Variants in CXXC5 observed in about 807,000 individuals in gnomAD.
CXXC5 encodes the protein CXXC-type zinc finger protein 5.
A neutral mutation model predicts 17.6 loss-of-function variants in CXXC5; 2 were observed. That is an observed-to-expected ratio of 0.11 (90% confidence interval 0.05 to 0.36). The LOEUF (loss-of-function observed/expected upper bound fraction) is 0.36. Ranked by LOEUF, CXXC5 falls within the 10% of genes least tolerant of loss-of-function variation. The probability of loss-of-function intolerance (pLI) is 1.00; values close to 1 mark genes in which losing one functional copy is unlikely to be tolerated. For synonymous variants in CXXC5, 171 were observed against 193.0 expected (o/e 0.89, Z 0.94); for missense variants, 343 against 458.3 (o/e 0.75, Z 2.30).
rs977025776 is a variant in CXXC5, at chr5:139,658,490, T to G, written c.-161+9645T>G. 1.9e-4 allele frequency among the ~76,000 whole-genome samples: 29 copies of G among 152,116 alleles called. No homozygotes were observed. The highest frequency in any genetic ancestry group is 7.0e-4 in the African/African-American group (29 of 41,506). On this transcript the variant is annotated intron_variant, in intron 1 of 2. Transcript: ENST00000302517. This position sits in a 1 kb window ranked among gnomAD's most constrained non-coding sequence, Gnocchi z 4.1. ...ATACCTGGGACAGAAATACCTGTTC[T>G]GCCCCTAGCCAGCCCCTCTCTGGAG...
rs538647881 is a variant in CXXC5 at position 139,653,378 on chromosome 5, C to T, written c.-161+4533C>T. Among the ~76,000 whole-genome samples, 6 of 152,320 alleles carry T rather than the reference C, an allele frequency of 3.9e-5. No homozygotes were observed. The South Asian group carries it at 1.2e-3, about 32-fold the overall frequency. On this transcript the variant is annotated intron_variant, in intron 1 of 2. Transcript: ENST00000302517. ...CAGCAAAGGGCCAGCCTGTGTGTCTCCATGCTGGGAAGCCTGCCCCTATGC... is the reference window on the plus strand; with the variant it reads ...CAGCAAAGGGCCAGCCTGTGTGTCTTCATGCTGGGAAGCCTGCCCCTATGC...
chr5:139,682,858 G>A lies in CXXC5; in HGVS notation c.925-5G>A, dbSNP rs533469290. The A allele has an allele frequency of 1.4e-5, 22 of 1,592,436 alleles. No individual in the cohort carries two copies. Among genetic ancestry groups the A allele is most frequent in the Middle Eastern group, 3.3e-4 (2 of 6,020 alleles). On this transcript the variant is annotated splice_polypyrimidine_tract_variant and splice_region_variant and intron_variant, in intron 2 of 2. Transcript: ENST00000302517. ...CTCCTTGTTTTTGTCTCCCGCCCCCGCCAGAAGGTGATGCTTCCGACGGGA... is the reference window on the plus strand; with the variant it reads ...CTCCTTGTTTTTGTCTCCCGCCCCCACCAGAAGGTGATGCTTCCGACGGGA...
chr5:139,649,866 G>T (rs932395573), intron 1 of CXXC5: 1 of 152,240 alleles, frequency 6.6e-6, no homozygotes, highest in Admixed American at 6.5e-5. Context: ...GTGAGGGGCT[G>T]AACCGCCGCG....
chr5:139,670,348 G>C lies in CXXC5; in HGVS notation c.-160-10016G>C, dbSNP rs920646782. ...AGACAAGACAGGTGTCCCCCTTAGA[G>C]CTGGGACAGATTCTCAGCTAGTGGA... On this transcript the variant is annotated intron_variant, in intron 1 of 2. Coordinates refer to ENST00000302517, the MANE Select transcript of CXXC5 (RefSeq NM_016463.9). This position sits in a 1 kb window ranked among gnomAD's most constrained non-coding sequence, Gnocchi z 4.2. Among the ~76,000 whole-genome samples the C allele has an allele frequency of 6.6e-6, 1 of 152,214 alleles. No individual in the cohort carries two copies. Among genetic ancestry groups the C allele is most frequent in the Non-Finnish European group, 1.5e-5 (1 of 68,038 alleles).
intron 1 of CXXC5, among the ~76,000 whole-genome samples, chr5:139,653,387 G>A (rs146005137): frequency 1.3e-5 from 2 of 152,316 alleles, no homozygotes; most frequent in African/African-American, 4.8e-5. Flanking sequence ...TCCATGCTGG[G>A]AAGCCTGCCC....
At position 139,683,073 on chromosome 5, in the gene CXXC5, T is replaced by A; in HGVS notation, c.*166T>A. On this transcript the variant is annotated 3_prime_UTR_variant, in exon 3 of 3. Coordinates refer to ENST00000302517, the MANE Select transcript of CXXC5 (RefSeq NM_016463.9). ...ATATATATATTTTTTGTTGTCGTTT[T>A]AACATCTCCACGTCCCTAGCATAAA... The A allele has an allele frequency of 2.0e-6, 1 of 509,402 alleles. No individual in the cohort carries two copies. Among genetic ancestry groups the A allele is most frequent in the Non-Finnish European group, 3.1e-6 (1 of 321,488 alleles). The allele number at this position is 509,402 out of a possible 1,614,324, so 31.6% of individuals were successfully genotyped here. A position where few individuals can be genotyped will look rare whatever the true frequency, so the allele number is the denominator to read the frequency against.
At chr5:139,677,197 C>T (rs554901968) in intron 1 of CXXC5, among the ~76,000 whole-genome samples, 13 of 152,140 alleles carry the variant, frequency 8.5e-5, no homozygotes, top group African/African-American at 2.9e-4. Flanking sequence ...CTGGCAGGGC[C>T]GATGATGGAT....
In CXXC5 at chr5:139,680,469, A is replaced by G; in HGVS notation, c.-55A>G. On this transcript the variant is annotated 5_prime_UTR_variant, in exon 2 of 3. Coordinates refer to ENST00000302517, the MANE Select transcript of CXXC5 (RefSeq NM_016463.9). ...AGCAGGGCCAGGTCCTGGTCTGTGG[A>G]CCCTCGGCAGTTGGCAGGCTCCCTC... The G allele has an allele frequency of 6.6e-7, 1 of 1,508,756 alleles. No homozygotes were observed. The highest frequency in any genetic ancestry group is 8.8e-7 in the Non-Finnish European group (1 of 1,132,570). 93.5% of individuals were successfully genotyped at this position (1,508,756 alleles called of 1,614,324 possible). A position where few individuals can be genotyped will look rare whatever the true frequency, so the allele number is the denominator to read the frequency against.
chr5:139,665,294 G>C (rs956933568), intron 1 of CXXC5, among the ~76,000 whole-genome samples: 17 of 152,376 alleles, frequency 1.1e-4, no homozygotes, highest in African/African-American at 3.6e-4. Context: ...TCAGCCTCGC[G>C]GTGCTTGTGC....
Position 139,682,937 on chromosome 5 carries a change from G to C in CXXC5, c.*30G>C. The stretch of plus-strand genomic sequence containing the variant: ...GGCGGAACCCAAAGCTGCCCTCTCC[G>C]TGCAATGTCACTGCTCGTGTGGTCT... On this transcript the variant is annotated 3_prime_UTR_variant, in exon 3 of 3. Coordinates refer to ENST00000302517, the MANE Select transcript of CXXC5 (RefSeq NM_016463.9). 2 of 1,565,624 alleles carry C rather than the reference G, an allele frequency of 1.3e-6. No individual in the cohort carries two copies. Among genetic ancestry groups the C allele is most frequent in the Non-Finnish European group, 8.7e-7 (1 of 1,150,892 alleles).
intron 1 of CXXC5, among the ~76,000 whole-genome samples, chr5:139,676,250 TCCTCCACAGTCCTTCTTGCCA>T (rs1756789522): frequency 2.1e-5 from 1 of 47,808 alleles, no homozygotes; most frequent in Non-Finnish European, 3.7e-5. Flanking sequence ...CCTCCCCACC[TCCTCCACAGTCCTTCTTGCCA>T]CCCTCCTCCC....
chr5:139,680,282 G>A (rs1363129898), intron 1 of CXXC5, 82 bp from the exon 2 acceptor site: 1 of 581,746 alleles, frequency 1.7e-6, no homozygotes, highest in Non-Finnish European at 3.0e-6. Context: ...CAGGATGACA[G>A]GACCGTTGAT....
intron 1 of CXXC5, among the ~76,000 whole-genome samples, chr5:139,664,248 G>C (rs909824300): frequency 1.2e-4 from 18 of 152,284 alleles, no homozygotes; most frequent in African/African-American, 4.1e-4. Context: ...GGGGTTTCTG[G>C]GTTCTTCCTG....
Position 139,681,146 on chromosome 5 carries a change from T to C in CXXC5, c.623T>C (p.Phe208Ser). The change falls in exon 2 of 3, where the codon TTC (phenylalanine) becomes TCC (serine). Residue 208 changes from phenylalanine to serine, a missense_variant. Physicochemically the swap from Phe to Ser is radical, Grantham distance 155. This residue lies in a region of CXXC5 where 297 missense variants were observed against 363.4 expected (regional missense o/e 0.82). Coordinates refer to ENST00000302517, the MANE Select transcript of CXXC5 (RefSeq NM_016463.9). ...GAAGCCCTCAATGGCCAGTCCGACT[T>C]CCCCTACCTGGGCGCTTTCCCCATC... ...GAEALNGQSD[F>S]PYLGAFPINP... 2 of 1,612,886 alleles carry C rather than the reference T, an allele frequency of 1.2e-6. No homozygotes were observed. The highest frequency in any genetic ancestry group is 1.7e-6 in the Non-Finnish European group (2 of 1,179,964).
intron 1 of CXXC5, among the ~76,000 whole-genome samples, chr5:139,679,286 A>T (rs564098126): frequency 1.3e-5 from 2 of 152,330 alleles, no homozygotes; most frequent in East Asian, 3.9e-4. Flanking sequence ...AGGCCTGAGT[A>T]GAGACAAGAA....
At chr5:139,678,013 G>C (rs1756953885) in intron 1 of CXXC5, among the ~76,000 whole-genome samples, 1 of 152,270 alleles carries the variant, frequency 6.6e-6, no homozygotes, top group African/African-American at 2.4e-5. Flanking sequence ...AGGCCGCAGA[G>C]GCGGGGGACG....
At chr5:139,681,582 G>C in intron 2 of CXXC5, 135 bp downstream of exon 2, 1 of 1,130,232 alleles carries the variant, frequency 8.8e-7, no homozygotes, top group East Asian at 2.5e-5. Flanking sequence ...CTTGGGGCCT[G>C]GGGGTCTGGC....
intron 1 of CXXC5, among the ~76,000 whole-genome samples, chr5:139,676,936 G>A (rs2126812591): frequency 7.4e-6 from 1 of 135,536 alleles, no homozygotes; most frequent in East Asian, 2.2e-4. Context: ...TCTCTATTCT[G>A]CCCCCGCATG....
Position 139,681,420 on chromosome 5 carries a change from C to T in CXXC5, c.897C>T (p.Leu299=). The change falls in exon 2 of 3, where the codon CTC becomes CTT. Residue 299 remains leucine (L), a synonymous_variant. Coordinates refer to ENST00000302517, the MANE Select transcript of CXXC5 (RefSeq NM_016463.9). ...GCAAATTCAGAAAATGTGAGGAACT[C>T]AAAAAGAAGCCTTCCGCTGCTCTGG... ...QICKFRKCEE[L]KKKPSAALEK... 1 of 1,583,718 alleles carries T rather than the reference C, an allele frequency of 6.3e-7. No individual in the cohort carries two copies.
Sources: allele counts gnomAD v4.1 joint callset (sites outside exome capture counted in the v4.1 genomes callset), GRCh38; gene constraint gnomAD v4.1.1; regional missense constraint gnomAD v4.1.1; non-coding constraint Gnocchi (gnomAD v3.1); transcripts MANE v1.5; gene names NCBI Gene and HGNC (gene_info 2026-07-23, HGNC 2026-07-21).